SYNPR: variants seen among roughly 807,000 people sequenced by gnomAD.
SYNPR encodes synaptoporin.
A neutral mutation model predicts 32.9 loss-of-function variants in SYNPR; 23 were observed. The observed-to-expected ratio is 0.70, with a 90% CI of 0.50 to 0.99. The LOEUF is 0.99. Ranked by LOEUF, SYNPR falls within the 50% of genes least tolerant of loss-of-function variation. The pLI is 0.00. For synonymous variants in SYNPR, 146 were observed against 135.9 expected (o/e 1.07, Z -0.52); for missense variants, 318 against 349.3 (o/e 0.91, Z 0.71).
At chr3:63,465,413 A>G (rs1395846945) in intron 2 of SYNPR, among the ~76,000 whole-genome samples, 1 of 152,120 alleles carries the variant, frequency 6.6e-6, no homozygotes, top group African/African-American at 2.4e-5. Context: ...GATTAATACT[A>G]TTTTTGAATA....
rs544836126 is a variant in SYNPR, at chr3:63,610,957, G to A, written c.600+1641G>A. Among the ~76,000 whole-genome samples, 8 of 152,298 alleles carry A rather than the reference G, an allele frequency of 5.3e-5. No individual in the cohort carries two copies. In the East Asian group the frequency reaches 1.5e-3, roughly 29 times the overall value. ...ATAATGTGATGTGTGTGAAAGGACA[G>A]GTCCAGTGGTGCTGTAGTGATGTAT... On this transcript the variant is annotated intron_variant, in intron 5 of 5. Coordinates refer to ENST00000478300, the MANE Select transcript of SYNPR (RefSeq NM_001130003.2).
chr3:63,464,038 C>T (rs1283390239), intron 2 of SYNPR, among the ~76,000 whole-genome samples: 7 of 152,158 alleles, frequency 4.6e-5, no homozygotes, highest in Non-Finnish European at 7.3e-5. Context: ...AAGGCACTTT[C>T]ATATACACTT....
chr3:63,443,041 G>C, intron 2 of SYNPR: 1 of 1,005,446 alleles, frequency 9.9e-7, no homozygotes, highest in African/African-American at 1.7e-5. Context: ...GTAAAGGGGA[G>C]ATGGTGCCTC....
intron 2 of SYNPR, among the ~76,000 whole-genome samples, chr3:63,328,044 G>T (rs1456631221): frequency 1.3e-5 from 2 of 152,122 alleles, no homozygotes; most frequent in East Asian, 1.9e-4. Flanking sequence ...TTTAAATGAG[G>T]AATGCCACAT....
chr3:63,279,008 A>G (rs2086603046), intron 2 of SYNPR, among the ~76,000 whole-genome samples: 3 of 152,122 alleles, frequency 2.0e-5, no homozygotes, highest in Admixed American at 6.5e-5. Context: ...GCAGACGCGC[A>G]GGGGCTGTGG....
chr3:63,538,327 G>A (rs891991599), intron 3 of SYNPR, among the ~76,000 whole-genome samples: 1 of 151,832 alleles, frequency 6.6e-6, no homozygotes, highest in African/African-American at 2.4e-5. Flanking sequence ...AATAATTAAT[G>A]TAATGGTGAG....
At chr3:63,232,505 C>T (rs2086174292) in intron 1 of SYNPR, among the ~76,000 whole-genome samples, 1 of 152,032 alleles carries the variant, frequency 6.6e-6, no homozygotes, top group African/African-American at 2.4e-5. Flanking sequence ...GTGCCCTGCC[C>T]CAGATTCTGA....
intron 2 of SYNPR, among the ~76,000 whole-genome samples, chr3:63,405,113 C>T (rs766522022): frequency 3.3e-5 from 5 of 152,144 alleles, no homozygotes; most frequent in Non-Finnish European, 7.4e-5. Context: ...GTTTTACTGG[C>T]TCCCTGCCTC....
chr3:63,514,842 C>A (rs902421760), intron 3 of SYNPR, among the ~76,000 whole-genome samples: 1 of 152,018 alleles, frequency 6.6e-6, no homozygotes, highest in African/African-American at 2.4e-5. Context: ...CTTGTTTTCT[C>A]GGCGCATTTA....
In SYNPR at chr3:63,470,207, T is replaced by A. The variant is rs187999330; in HGVS notation, c.85-10625T>A. ...TATACTGTATGTATATGTAGAAATA[T>A]TTTCTTTTACAAAAATGCAATACAT... On this transcript the variant is annotated intron_variant, in intron 2 of 5. Coordinates refer to ENST00000478300, the MANE Select transcript of SYNPR (RefSeq NM_001130003.2). Among the ~76,000 whole-genome samples, 11 of 152,328 alleles carry A rather than the reference T, an allele frequency of 7.2e-5. No homozygotes were observed. In the East Asian group the frequency reaches 2.1e-3, roughly 29 times the overall value.
At chr3:63,443,557 A>T in intron 2 of SYNPR, 1 of 1,408,196 alleles carries the variant, frequency 7.1e-7, no homozygotes, top group Non-Finnish European at 9.7e-7. Context: ...TGGATTGTAC[A>T]CTTTTCTTTC....
At chr3:63,465,485 A>G (rs191781467) in intron 2 of SYNPR, among the ~76,000 whole-genome samples, 1 of 152,096 alleles carries the variant, frequency 6.6e-6, no homozygotes, top group Non-Finnish European at 1.5e-5. Flanking sequence ...TTGTCTATAC[A>G]TATATATTCA....
upstream of SYNPR, among the ~76,000 whole-genome samples, chr3:63,225,127 C>T (rs1230301686): frequency 6.6e-6 from 1 of 152,214 alleles, no homozygotes; most frequent in Admixed American, 6.5e-5. Flanking sequence ...ACAAAACCCA[C>T]AATTGCAGGG....
chr3:63,554,381 T>C (rs1417701246), intron 3 of SYNPR, among the ~76,000 whole-genome samples: 1 of 152,238 alleles, frequency 6.6e-6, no homozygotes, highest in African/African-American at 2.4e-5. Flanking sequence ...TGAGTTAATT[T>C]TTTTATATGG....
At chr3:63,511,769 A>G (rs1317353471) in intron 3 of SYNPR, among the ~76,000 whole-genome samples, 1 of 152,170 alleles carries the variant, frequency 6.6e-6, no homozygotes, top group African/African-American at 2.4e-5. Flanking sequence ...ACTACTTAAA[A>G]GCACCAAAAG....
intron 5 of SYNPR, among the ~76,000 whole-genome samples, chr3:63,614,818 A>T (rs974093987): frequency 6.6e-6 from 1 of 152,318 alleles, no homozygotes; most frequent in East Asian, 1.9e-4. Flanking sequence ...ACACACCATG[A>T]AGGATACTTT....
At chr3:63,273,272 T>G (rs769077692) in intron 3 of SYNPR, among the ~76,000 whole-genome samples, 2 of 152,114 alleles carry the variant, frequency 1.3e-5, no homozygotes, top group East Asian at 3.9e-4. Flanking sequence ...GTTACGGGAG[T>G]AGGAGGAAAA....
chr3:63,355,060 T>C (rs2087559080), intron 2 of SYNPR, among the ~76,000 whole-genome samples: 1 of 152,056 alleles, frequency 6.6e-6, no homozygotes, highest in Admixed American at 6.6e-5. Flanking sequence ...AGGTGGATCA[T>C]TTGATGTCAG....
rs536240596 is a variant in SYNPR at position 63,596,574 on chromosome 3, G to C, written c.409-12551G>C. Among the ~76,000 whole-genome samples the C allele has an allele frequency of 4.6e-5, 7 of 152,110 alleles. No homozygotes were observed. In the South Asian group the frequency reaches 1.5e-3, roughly 32 times the overall value. Reference sequence around the variant, plus strand: ...CCTTCTTTGGGCTGCCAACACAGAGGGCCCAAGCCTCCCTTTGGTCACACT... The same window carrying C: ...CCTTCTTTGGGCTGCCAACACAGAGCGCCCAAGCCTCCCTTTGGTCACACT... On this transcript the variant is annotated intron_variant, in intron 4 of 5. Transcript: ENST00000478300.
Sources: allele counts gnomAD v4.1 joint callset (sites outside exome capture counted in the v4.1 genomes callset), GRCh38; gene constraint gnomAD v4.1.1; transcripts MANE v1.5; gene names NCBI Gene and HGNC (gene_info 2026-07-23, HGNC 2026-07-21).